Variants in CDKL5 observed in about 807,000 individuals in gnomAD.
CDKL5 encodes cyclin-dependent kinase-like 5.
In CDKL5, 8 loss-of-function variants were observed where a neutral mutation model predicts 61.7. The ratio of observed to expected loss-of-function variants is 0.13; its 90% CI spans 0.08 to 0.23. The LOEUF is 0.23. Ranked by LOEUF, CDKL5 falls within the 10% of genes least tolerant of loss-of-function variation. CDKL5 has a pLI of 1.00. For synonymous variants in CDKL5, 275 were observed against 272.3 expected (o/e 1.01, Z -0.10); for missense variants, 440 against 734.5 (o/e 0.60, Z 4.63).
intron 14 of CDKL5, among the ~76,000 whole-genome samples, chrX:18,612,217 A>G (rs2147166716): frequency 8.9e-6 from 1 of 112,170 alleles, no homozygotes; most frequent in African/African-American, 3.2e-5. Flanking sequence ...CCCAAGTGTC[A>G]AGGCTTAAAC....
At chrX:18,439,662 AC>A (rs1346741240) in intron 1 of CDKL5, among the ~76,000 whole-genome samples, 1 of 109,722 alleles carries the variant, frequency 9.1e-6, no homozygotes, top group African/African-American at 3.3e-5. Flanking sequence ...ACATGGTGAA[AC>A]CCCATCTCTA....
intron 3 of CDKL5, among the ~76,000 whole-genome samples, chrX:18,555,092 G>A (rs1924551978): frequency 9.0e-6 from 1 of 111,215 alleles, no homozygotes. Context: ...GAATAAACTC[G>A]AGCAGAGTTT....
intron 4 of CDKL5, among the ~76,000 whole-genome samples, chrX:18,565,272 C>A (rs746075197): frequency 6.7e-4 from 75 of 111,651 alleles, no homozygotes; most frequent in Non-Finnish European, 1.2e-3. Flanking sequence ...TGGACTGAGA[C>A]CCACAGTAGA....
Position 18,649,252 on chromosome X carries a change from T to C in CDKL5, c.2798-1158T>C, listed in dbSNP as rs762730053. Among the ~76,000 whole-genome samples the C allele has an allele frequency of 5.4e-5, 6 of 111,059 alleles. No homozygotes were observed. The East Asian group carries it at 1.7e-3, about 32-fold the overall frequency. ...GGCAAATATATTTTCCTTTTTTGGT[T>C]AGAGACCTGGTCTCGCTGTGTCGCA... On this transcript the variant is annotated intron_variant, in intron 20 of 21. Coordinates refer to the CDKL5 transcript ENST00000379989.
intron 1 of CDKL5, among the ~76,000 whole-genome samples, chrX:18,476,406 A>G (rs765759232): frequency 8.1e-5 from 9 of 111,017 alleles, no homozygotes; most frequent in African/African-American, 2.6e-4. Flanking sequence ...TGATAGAGAC[A>G]GGTTTTCACC....
Position 18,604,346 on chromosome X carries a change from C to T in CDKL5, c.1422C>T (p.Pro474=), listed in dbSNP as rs773921712. ...GGCATAGCTATATTGACACAATTCC[C>T]CAGTCCTCTAGGAGTCCCTCCTACA... The part of the protein sequence containing the change: ...QSRHSYIDTI[P]QSSRSPSYRT... Residue 474 remains proline (P), a synonymous_variant, in exon 12 of 18, where the codon CCC becomes CCT. Transcript: ENST00000623535. The T allele has an allele frequency of 5.0e-6, 6 of 1,207,687 alleles. No homozygotes were observed. In the Admixed American group the frequency reaches 1.1e-4, roughly 22 times the overall value.
At chrX:18,483,056 TA>T (rs1332827666) in intron 1 of CDKL5, among the ~76,000 whole-genome samples, 1 of 112,209 alleles carries the variant, frequency 8.9e-6, no homozygotes, top group African/African-American at 3.2e-5. Flanking sequence ...GGAATCCATT[TA>T]AATGTAGGCT....
downstream of CDKL5, among the ~76,000 whole-genome samples, chrX:18,643,425 A>G (rs1293526213): frequency 1.8e-5 from 2 of 111,271 alleles, no homozygotes; most frequent in African/African-American, 6.5e-5. Flanking sequence ...GTCAGGAGCC[A>G]GGTGAAGAGA....
chrX:18,481,527 ATT>A (rs764120656), intron 1 of CDKL5, among the ~76,000 whole-genome samples: 4 of 81,452 alleles, frequency 4.9e-5, no homozygotes, highest in Admixed American at 1.4e-4. Flanking sequence ...TAATTTTTGT[ATT>A]TTTTTTTTTT....
chrX:18,498,304 T>G (rs1436242529), intron 1 of CDKL5, among the ~76,000 whole-genome samples: 1 of 112,412 alleles, frequency 8.9e-6, no homozygotes, highest in Non-Finnish European at 1.9e-5. Flanking sequence ...ACAATGCTGT[T>G]GTATCAGTTT....
intron 16 of CDKL5, among the ~76,000 whole-genome samples, chrX:18,624,814 C>T (rs1280450873): frequency 1.8e-5 from 2 of 111,842 alleles, no homozygotes; most frequent in East Asian, 5.6e-4. Flanking sequence ...CCTGGTACAG[C>T]CCTATTTAAC....
chrX:18,647,621 G>A, intron 20 of CDKL5: 1 of 337,340 alleles, frequency 3.0e-6, no homozygotes, highest in Non-Finnish European at 5.2e-6. Flanking sequence ...GGAATTTTGA[G>A]AAATACTTCA....
chrX:18,435,286 A>C (rs1431608849), intron 1 of CDKL5, among the ~76,000 whole-genome samples: 1 of 112,142 alleles, frequency 8.9e-6, no homozygotes, highest in African/African-American at 3.2e-5. Context: ...TATTATTCCT[A>C]ATATTACCAC....
Position 18,647,212 on chromosome X carries a change from C to G in CDKL5, c.2797+1122C>G. On this transcript the variant is annotated intron_variant, in intron 20 of 21. Coordinates refer to the CDKL5 transcript ENST00000379989. ...TTACCCAAAGCCTTGACTGTTGAGC[C>G]GGGCCTTGTTTGCAGTCCACGAAGA... The G allele has an allele frequency of 8.3e-7, 1 of 1,211,173 alleles. No individual in the cohort carries two copies. Among genetic ancestry groups the G allele is most frequent in the Non-Finnish European group, 1.1e-6 (1 of 895,440 alleles).
At chrX:18,555,330 A>G (rs1376118914) in intron 3 of CDKL5, among the ~76,000 whole-genome samples, 1 of 111,511 alleles carries the variant, frequency 9.0e-6, no homozygotes, top group Non-Finnish European at 1.9e-5. Context: ...TACAGATTGT[A>G]TTTTTTTTAA....
chrX:18,541,970 C>T (rs372982924), intron 3 of CDKL5, among the ~76,000 whole-genome samples: 36 of 111,881 alleles, frequency 3.2e-4, no homozygotes, highest in African/African-American at 1.0e-3. Context: ...CTACAGTCTT[C>T]GCTGGCACCT....
chrX:18,598,016 A>G (rs997844074), intron 10 of CDKL5, among the ~76,000 whole-genome samples: 97 of 111,758 alleles, frequency 8.7e-4, no homozygotes, highest in African/African-American at 3.0e-3. Context: ...GGGAATATCT[A>G]TGGAAGGATG....
At chrX:18,600,997 CAT>C (rs1391001523) in intron 11 of CDKL5, among the ~76,000 whole-genome samples, 1 of 111,701 alleles carries the variant, frequency 9.0e-6, no homozygotes, top group Non-Finnish European at 1.9e-5. Flanking sequence ...TGGTTAGAGA[CAT>C]TAATTCTAGC....
chrX:18,494,951 A>T (rs762620914), intron 1 of CDKL5, among the ~76,000 whole-genome samples: 8 of 111,986 alleles, frequency 7.1e-5, no homozygotes, highest in Non-Finnish European at 1.3e-4. Flanking sequence ...GGAGTGCTTC[A>T]TCTCCTTGCT....
Sources: gnomAD v4.1 joint callset for allele counts (sites outside exome capture counted in the v4.1 genomes callset) on GRCh38, gnomAD v4.1.1 for gene constraint, MANE v1.5 for transcripts, NCBI Gene and HGNC (gene_info 2026-07-23, HGNC 2026-07-21) for gene names.